Variants in RTN1 observed in about 807,000 individuals in gnomAD.
RTN1 encodes the protein reticulon-1.
In RTN1, 25 loss-of-function variants were observed where a neutral mutation model predicts 65.5. The observed-to-expected ratio is 0.38, with a 90% CI of 0.28 to 0.53. RTN1 has a LOEUF of 0.53. Ranked by LOEUF, RTN1 falls within the 20% of genes least tolerant of loss-of-function variation. The pLI, the probability that RTN1 is intolerant of heterozygous loss-of-function variation, is 0.79. For missense variants in RTN1, 983 were observed against 1,025.4 expected, an observed-to-expected ratio of 0.96 and a Z score of 0.57; for synonymous variants, 471 against 447.6, an observed-to-expected ratio of 1.05 and a Z score of -0.66.
intron 1 of RTN1, among the ~76,000 whole-genome samples, chr14:59,764,269 A>C (rs919698677): frequency 3.3e-5 from 5 of 152,220 alleles, no homozygotes; most frequent in Non-Finnish European, 7.3e-5. Context: ...ACAACTTTCC[A>C]AAATGATAGC....
chr14:59,704,448 G>A (rs1042391723), intron 3 of RTN1, among the ~76,000 whole-genome samples: 3 of 152,176 alleles, frequency 2.0e-5, no homozygotes, highest in African/African-American at 7.2e-5. Flanking sequence ...GCCATCAGGG[G>A]AAGGGGAAAC....
chr14:59,870,470 C>G lies in RTN1; in HGVS notation c.161G>C (p.Arg54Thr). 1 of 1,481,514 alleles carries G rather than the reference C, an allele frequency of 6.7e-7. No homozygotes were observed. Among genetic ancestry groups the G allele is most frequent in the Non-Finnish European group, 8.9e-7 (1 of 1,124,446 alleles). 91.8% of individuals were successfully genotyped at this position (1,481,514 alleles called of 1,614,324 possible). A position where few individuals can be genotyped will look rare whatever the true frequency, so the allele number is the denominator to read the frequency against. The change falls in exon 1 of 9, where the codon AGG (arginine) becomes ACG (threonine). Residue 54 changes from arginine (R) to threonine (T), a missense_variant. Arg to Thr is a moderately conservative substitution (Grantham distance 71). This residue lies in a region of RTN1 where 818 missense variants were observed against 801.8 expected (regional missense o/e 1.02). Coordinates refer to ENST00000267484, the MANE Select transcript of RTN1 (RefSeq NM_021136.3). This position sits in a 1 kb window ranked among gnomAD's most constrained non-coding sequence, Gnocchi z 5.1. Reference protein sequence around the residue: ...AGEPSPGLGARAREAASREAG... With the variant: ...AGEPSPGLGATAREAASREAG... ...TTCCCGCGACGCCGCTTCCCGGGCC[C>G]TGGCGCCCAACCCCGGGCTGGGCTC...
chr14:59,755,265 T>G (rs1193013649), intron 1 of RTN1, among the ~76,000 whole-genome samples: 1 of 152,142 alleles, frequency 6.6e-6, no homozygotes, highest in Non-Finnish European at 1.5e-5. Flanking sequence ...CCCTTCTCCC[T>G]GGAATTAGAG....
At chr14:59,748,531 C>G (rs1488865452) in intron 1 of RTN1, among the ~76,000 whole-genome samples, 1 of 152,100 alleles carries the variant, frequency 6.6e-6, no homozygotes, top group Non-Finnish European at 1.5e-5. Context: ...TTCCCCTCCC[C>G]ACTCCTGGCA....
intron 1 of RTN1, among the ~76,000 whole-genome samples, chr14:59,789,558 C>T (rs1566727723): frequency 6.6e-6 from 1 of 152,104 alleles, no homozygotes; most frequent in Admixed American, 6.6e-5. Context: ...GAAATGGATG[C>T]TTTTCTAGGA....
intron 3 of RTN1, among the ~76,000 whole-genome samples, chr14:59,676,711 T>C (rs1444385658): frequency 6.6e-6 from 1 of 152,138 alleles, no homozygotes. Flanking sequence ...AATAAAAATT[T>C]CTGGATCCAT....
chr14:59,809,249 C>G (rs542549240), intron 1 of RTN1, among the ~76,000 whole-genome samples: 23 of 152,232 alleles, frequency 1.5e-4, no homozygotes, highest in African/African-American at 5.5e-4. Flanking sequence ...GTTTCTAAGA[C>G]TTGTATATCC....
At chr14:59,644,525 T>C (rs1429420570) in intron 3 of RTN1, among the ~76,000 whole-genome samples, 4 of 152,138 alleles carry the variant, frequency 2.6e-5, no homozygotes, top group Admixed American at 2.6e-4. Context: ...GAGCTTTAGA[T>C]ACCCGGGCTT....
At position 59,660,455 on chromosome 14, in the gene RTN1, T is replaced by C. The variant is rs772972621; in HGVS notation, c.1766-52963A>G. On this transcript the variant is annotated intron_variant, in intron 3 of 8. Transcript: ENST00000267484. Reference sequence around the variant, plus strand: ...AATATACATTTTTCTCTGTACCACATTGCACTTATTCTAAAATTGACCATG... The same window carrying C: ...AATATACATTTTTCTCTGTACCACACTGCACTTATTCTAAAATTGACCATG... 5.9e-5 allele frequency among the ~76,000 whole-genome samples: 9 copies of C among 152,124 alleles called. No individual in the cohort carries two copies. In the East Asian group the frequency reaches 9.6e-4, roughly 16 times the overall value.
intron 1 of RTN1, among the ~76,000 whole-genome samples, chr14:59,800,285 G>A (rs1329862146): frequency 1.3e-5 from 2 of 152,172 alleles, no homozygotes; most frequent in East Asian, 3.8e-4. Context: ...CATAAGATTA[G>A]GGGTATGCTC....
intron 2 of RTN1, among the ~76,000 whole-genome samples, chr14:59,735,590 G>T (rs1339718962): frequency 6.6e-6 from 1 of 152,028 alleles, no homozygotes; most frequent in Non-Finnish European, 1.5e-5. Context: ...TTGCACTCCT[G>T]GTTTCTGACA....
chr14:59,825,266 A>G lies in RTN1; in HGVS notation c.241+45124T>C, dbSNP rs1887011286. Among the ~76,000 whole-genome samples, 1 of 152,178 alleles carries G rather than the reference A, an allele frequency of 6.6e-6. No homozygotes were observed. The highest frequency in any genetic ancestry group is 1.5e-5 in the Non-Finnish European group (1 of 68,018). ...CCCTGGGAAGAAAAACTGCTTCCCCAACCCCAGCTGAGAACCTTAGCTCAC... is the reference window on the plus strand; with the variant it reads ...CCCTGGGAAGAAAAACTGCTTCCCCGACCCCAGCTGAGAACCTTAGCTCAC... On this transcript the variant is annotated intron_variant, in intron 1 of 8. Transcript: ENST00000267484. This position sits in a 1 kb window ranked among gnomAD's most constrained non-coding sequence, Gnocchi z 4.2.
chr14:59,690,332 A>G (rs183416348), intron 3 of RTN1, among the ~76,000 whole-genome samples: 303 of 152,186 alleles, frequency 2.0e-3, no homozygotes, highest in Middle Eastern at 3.4e-3. Context: ...CTTATATCAT[A>G]TAAGAATAAA....
intron 3 of RTN1, among the ~76,000 whole-genome samples, chr14:59,676,126 G>A (rs563859250): frequency 1.3e-5 from 2 of 152,272 alleles, no homozygotes; most frequent in South Asian, 2.1e-4. Flanking sequence ...ATGGCAGACA[G>A]TCCAGAAACA....
chr14:59,757,442 T>C (rs569207979), intron 1 of RTN1, among the ~76,000 whole-genome samples: 2 of 152,340 alleles, frequency 1.3e-5, no homozygotes, highest in East Asian at 3.9e-4. Context: ...GCTGCCACCA[T>C]GTAAGACATC....
chr14:59,833,951 T>G (rs1472374880), intron 1 of RTN1, among the ~76,000 whole-genome samples: 1 of 152,234 alleles, frequency 6.6e-6, no homozygotes, highest in Non-Finnish European at 1.5e-5. Flanking sequence ...TGGAGGGCTA[T>G]TAATACCTAA....
chr14:59,751,764 G>A (rs765891901), intron 1 of RTN1, among the ~76,000 whole-genome samples: 1 of 152,098 alleles, frequency 6.6e-6, no homozygotes, highest in Non-Finnish European at 1.5e-5. Flanking sequence ...CCTCTAGACC[G>A]CTGTCTCCTA....
chr14:59,680,501 T>C (rs1438492221), intron 3 of RTN1, among the ~76,000 whole-genome samples: 2 of 152,230 alleles, frequency 1.3e-5, no homozygotes, highest in Non-Finnish European at 2.9e-5. Context: ...AAATACAAGG[T>C]TAGTGCCAAT....
At chr14:59,622,912 A>G (rs1882295490) in intron 3 of RTN1, among the ~76,000 whole-genome samples, 1 of 152,138 alleles carries the variant, frequency 6.6e-6, no homozygotes, top group African/African-American at 2.4e-5. Context: ...CCTAACTACA[A>G]CCTATATGAC....
Sources: allele counts gnomAD v4.1 joint callset (sites outside exome capture counted in the v4.1 genomes callset), GRCh38; gene constraint gnomAD v4.1.1; regional missense constraint gnomAD v4.1.1; non-coding constraint Gnocchi (gnomAD v3.1); transcripts MANE v1.5; gene names NCBI Gene and HGNC (gene_info 2026-07-23, HGNC 2026-07-21).